PKNOX2: variants seen among roughly 807,000 people sequenced by gnomAD.
PKNOX2 encodes PBX/knotted 1 homeobox 2.
Under a neutral mutation model 53.1 loss-of-function variants are expected in PKNOX2, and 14 were observed. The ratio of observed to expected loss-of-function variants is 0.26; its 90% CI spans 0.17 to 0.41. PKNOX2 has a LOEUF of 0.41. PKNOX2 is among the 10% of genes least tolerant of loss of function. The pLI, the probability that PKNOX2 is intolerant of heterozygous loss-of-function variation, is 1.00. For synonymous variants in PKNOX2, 257 were observed against 242.8 expected, an observed-to-expected ratio of 1.06 and a Z score of -0.54; for missense variants, 496 against 602.8, an observed-to-expected ratio of 0.82 and a Z score of 1.85.
chr11:125,391,668 C>G (rs1487722504), intron 6 of PKNOX2, among the ~76,000 whole-genome samples: 1 of 152,214 alleles, frequency 6.6e-6, no homozygotes, highest in Non-Finnish European at 1.5e-5. Context: ...TTTTTGTGTA[C>G]TTTCCTGGGA....
intron 5 of PKNOX2, among the ~76,000 whole-genome samples, chr11:125,375,960 G>C (rs1051233339): frequency 1.3e-5 from 2 of 152,214 alleles, no homozygotes; most frequent in African/African-American, 4.8e-5. Flanking sequence ...ACCTCGCCTT[G>C]TTCTGAAGGG....
At chr11:125,389,915 C>T (rs186012420) in intron 6 of PKNOX2, among the ~76,000 whole-genome samples, 21 of 152,242 alleles carry the variant, frequency 1.4e-4, no homozygotes, top group Non-Finnish European at 2.6e-4. Context: ...GACCCCCAGG[C>T]CCCTGGGCCC....
rs959635041 is a variant in PKNOX2, at chr11:125,166,607, T to A, written c.-201+1831T>A. Among the ~76,000 whole-genome samples, 1 of 152,050 alleles carries A rather than the reference T, an allele frequency of 6.6e-6. No homozygotes were observed. Among genetic ancestry groups the A allele is most frequent in the Non-Finnish European group, 1.5e-5 (1 of 67,976 alleles). ...GCGGTGGCCCGCAGGGGCCGCGGCC[T>A]GCGATGAAGGCCGGGGGGCAGCGCT... On this transcript the variant is annotated intron_variant, in intron 1 of 12. Coordinates refer to ENST00000298282, the MANE Select transcript of PKNOX2 (RefSeq NM_001382323.2). This position sits in a 1 kb window ranked among gnomAD's most constrained non-coding sequence, Gnocchi z 4.0.
chr11:125,280,138 T>A (rs899780506), intron 2 of PKNOX2, among the ~76,000 whole-genome samples: 18 of 140,560 alleles, frequency 1.3e-4, no homozygotes, highest in African/African-American at 4.0e-4. Context: ...TGCAGTGGGG[T>A]GATATCTGAA....
intron 6 of PKNOX2, among the ~76,000 whole-genome samples, chr11:125,392,940 T>C (rs950996551): frequency 3.3e-5 from 5 of 151,778 alleles, no homozygotes; most frequent in African/African-American, 7.3e-5. Context: ...GGGCGGATCA[T>C]GAGGTCAGGA....
intron 1 of PKNOX2, among the ~76,000 whole-genome samples, chr11:125,215,765 T>C (rs1940429573): frequency 6.6e-6 from 1 of 151,990 alleles, no homozygotes; most frequent in South Asian, 2.1e-4. Context: ...ATAAACTAAC[T>C]AACTAACTAA....
intron 1 of PKNOX2, among the ~76,000 whole-genome samples, chr11:125,168,493 G>A (rs759094571): frequency 6.6e-6 from 1 of 152,234 alleles, no homozygotes; most frequent in Non-Finnish European, 1.5e-5. Flanking sequence ...ACTGTCTTGT[G>A]AGTGGAGAAT....
chr11:125,419,443 A>G (rs77747850), intron 10 of PKNOX2, among the ~76,000 whole-genome samples: 7 of 87,318 alleles, frequency 8.0e-5, no homozygotes, highest in African/African-American at 2.5e-4. Context: ...AGAACCCCTG[A>G]AAAAAAAAGA....
chr11:125,201,868 A>G (rs1265015970), intron 1 of PKNOX2, among the ~76,000 whole-genome samples: 1 of 152,146 alleles, frequency 6.6e-6, no homozygotes, highest in Non-Finnish European at 1.5e-5. Flanking sequence ...GTTTAGCATC[A>G]GCCTAGGTTG....
chr11:125,169,169 C>T (rs571413695), intron 1 of PKNOX2, among the ~76,000 whole-genome samples: 10 of 152,256 alleles, frequency 6.6e-5, no homozygotes, highest in African/African-American at 2.4e-4. Flanking sequence ...CAGATCCGAG[C>T]ATGGAGAGGG....
chr11:125,376,241 A>T (rs1397134912), intron 5 of PKNOX2, among the ~76,000 whole-genome samples: 1 of 152,216 alleles, frequency 6.6e-6, no homozygotes, highest in Admixed American at 6.5e-5. Flanking sequence ...TGCAGCTCCA[A>T]TTTAGCAACT....
At chr11:125,245,255 A>G (rs1943470853) in intron 2 of PKNOX2, among the ~76,000 whole-genome samples, 1 of 152,166 alleles carries the variant, frequency 6.6e-6, no homozygotes, top group Non-Finnish European at 1.5e-5. Context: ...CTAATATACC[A>G]GTCTAGGAGG....
intron 2 of PKNOX2, among the ~76,000 whole-genome samples, chr11:125,274,906 G>A (rs1411378257): frequency 6.6e-6 from 1 of 152,214 alleles, no homozygotes; most frequent in African/African-American, 2.4e-5. Flanking sequence ...TGTGGCAGCA[G>A]GCCCAGTCCC....
chr11:125,265,849 G>T (rs1053043689), intron 2 of PKNOX2, among the ~76,000 whole-genome samples: 3 of 152,032 alleles, frequency 2.0e-5, no homozygotes, highest in Admixed American at 2.0e-4. Flanking sequence ...AGAGGAATAG[G>T]CGTTCCTCTC....
chr11:125,248,207 C>G (rs534841671), intron 2 of PKNOX2, among the ~76,000 whole-genome samples: 44 of 152,324 alleles, frequency 2.9e-4, no homozygotes, highest in Admixed American at 1.2e-3. Context: ...GGGTTTTTCT[C>G]TCATCCACTG....
chr11:125,356,029 A>AC (rs66888533), intron 4 of PKNOX2, among the ~76,000 whole-genome samples: 12,121 of 89,728 alleles, frequency 0.14, 715 homozygotes, highest in Middle Eastern at 0.23. Flanking sequence ...CACTATCAGC[A>AC]CCCCCCCCCC....
rs1393233454 is a variant in PKNOX2, at chr11:125,165,850, C to T, written c.-201+1074C>T. Among the ~76,000 whole-genome samples the T allele has an allele frequency of 6.6e-6, 1 of 152,150 alleles. No individual in the cohort carries two copies. The highest frequency in any genetic ancestry group is 2.4e-5 in the African/African-American group (1 of 41,424). On this transcript the variant is annotated intron_variant, in intron 1 of 12. Transcript: ENST00000298282. The surrounding 1 kb of genome is among the most constrained non-coding windows in gnomAD (Gnocchi z 4.5). ...AGAGCTGAGGGGGATGGCGCAGGAT[C>T]CCGAATCTGCCGCTCAAAGTTTGCA...
intron 9 of PKNOX2, 163 bp downstream of exon 9, chr11:125,411,039 A>C: frequency 1.6e-6 from 1 of 633,682 alleles, no homozygotes; most frequent in Non-Finnish European, 2.7e-6. Flanking sequence ...GGGTCTTGGA[A>C]AGGTTTTATC....
intron 1 of PKNOX2, among the ~76,000 whole-genome samples, chr11:125,211,524 C>G (rs1939846468): frequency 6.6e-6 from 1 of 152,024 alleles, no homozygotes; most frequent in African/African-American, 2.4e-5. Context: ...GAAGGGAAAA[C>G]AAAGCAGGTC....
Sources: gnomAD v4.1 joint callset for allele counts (sites outside exome capture counted in the v4.1 genomes callset) on GRCh38, gnomAD v4.1.1 for gene constraint, Gnocchi (gnomAD v3.1) non-coding constraint, MANE v1.5 for transcripts, NCBI Gene and HGNC (gene_info 2026-07-23, HGNC 2026-07-21) for gene names.